SYS1: variants seen among roughly 807,000 people sequenced by gnomAD.
SYS1 encodes protein SYS1 homolog.
A neutral mutation model predicts 17.8 loss-of-function variants in SYS1; 8 were observed. That is an observed-to-expected ratio of 0.45 (90% confidence interval 0.26 to 0.81). The LOEUF is 0.81. SYS1 is among the 40% of genes least tolerant of loss of function. The pLI, the probability that SYS1 is intolerant of heterozygous loss-of-function variation, is 0.16. For missense variants in SYS1, 161 were observed against 203.9 expected (o/e 0.79, Z 1.28); for synonymous variants, 95 against 90.9 (o/e 1.05, Z -0.26).
rs1988456044 is a variant in SYS1, at chr20:45,367,502, A to G, written c.*387A>G. 5.8e-6 allele frequency: 6 copies of G among 1,028,584 alleles called. No individual in the cohort carries two copies. The highest frequency in any genetic ancestry group is 1.7e-5 in the African/African-American group (1 of 58,746). The allele number at this position is 1,028,584 out of a possible 1,614,324, so 63.7% of individuals were successfully genotyped here. A position where few individuals can be genotyped will look rare whatever the true frequency, so the allele number is the denominator to read the frequency against. On this transcript the variant is annotated 3_prime_UTR_variant, in exon 4 of 4. Coordinates refer to ENST00000243918, the MANE Select transcript of SYS1 (RefSeq NM_033542.4). ...GTCATCTGTCTTACCCCCCTGGGAC[A>G]GCTGTTACCTTTGCAGTGTTGCCGA...
At chr20:45,365,538 G>C (rs754327136) in intron 2 of SYS1, 81 bp from the exon 3 acceptor site, 2 of 1,355,280 alleles carry the variant, frequency 1.5e-6, no homozygotes, top group Non-Finnish European at 2.1e-6. Flanking sequence ...AAGAATGCTT[G>C]TTCCTTAGGA....
At chr20:45,375,702 G>C in exon 4 of SYS1, 1 of 893,080 alleles carries the variant, frequency 1.1e-6, no homozygotes, top group South Asian at 1.7e-5. Flanking sequence ...CCTTGTGCTG[G>C]TGTGAGGAGG....
chr20:45,375,265 C>A lies in SYS1; in HGVS notation c.*971C>A, dbSNP rs765602712. 26 of 1,614,122 alleles carry A rather than the reference C, an allele frequency of 1.6e-5. No individual in the cohort carries two copies. The highest frequency in any genetic ancestry group is 2.0e-5 in the Non-Finnish European group (24 of 1,180,008). The stretch of plus-strand genomic sequence containing the variant: ...GGGCTTAATGAAGATGACTCGGGGG[C>A]CCTCGGTGAGTGGTTGCCTCCCCTG... On this transcript the variant is annotated 3_prime_UTR_variant, in exon 4 of 4. Transcript: ENST00000426004.
chr20:45,363,010 G>A (rs1988270221), upstream of SYS1: 2 of 727,626 alleles, frequency 2.7e-6, no homozygotes, highest in Non-Finnish European at 3.4e-6. Flanking sequence ...CCTCTCTTCC[G>A]TTTGCCTTCA....
At chr20:45,375,869 G>A (rs538954342) in exon 4 of SYS1, 1 of 302,718 alleles carries the variant, frequency 3.3e-6, no homozygotes, top group African/African-American at 2.2e-5. Flanking sequence ...CAGTCCAGTA[G>A]TTTTTCTAAA....
At chr20:45,374,417 G>T (rs1215413999) in exon 4 of SYS1, 6 of 584,552 alleles carry the variant, frequency 1.0e-5, no homozygotes, top group South Asian at 6.7e-5. Context: ...TACTACAAGC[G>T]CAAGGCACCA....
chr20:45,371,027 T>C (rs1205592523), downstream of SYS1, among the ~76,000 whole-genome samples: 3 of 152,190 alleles, frequency 2.0e-5, no homozygotes, highest in African/African-American at 7.2e-5. Flanking sequence ...TTTAGAGAGC[T>C]GCAGTGGAGT....
chr20:45,373,088 G>A (rs560213994), downstream of SYS1: 1 of 152,536 alleles, frequency 6.6e-6, no homozygotes, highest in East Asian at 1.9e-4. Context: ...CTGCCTCTGG[G>A]GAATATGGAG....
rs548116779 is a variant in SYS1 at position 45,368,525 on chromosome 20, A to G, written c.*1410A>G. ...TATGGTAACACAAATGAGTTTTGCT[A>G]TCTCTCTGAGAAGCTCATCTGACCT... On this transcript the variant is annotated 3_prime_UTR_variant, in exon 4 of 4. Coordinates refer to ENST00000243918, the MANE Select transcript of SYS1 (RefSeq NM_033542.4). The G allele has an allele frequency of 6.1e-6, 6 of 985,416 alleles. No individual in the cohort carries two copies. The highest frequency in any genetic ancestry group is 7.2e-6 in the Non-Finnish European group (6 of 829,938). The allele number at this position is 985,416 out of a possible 1,614,324, so 61.0% of individuals were successfully genotyped here. A position where few individuals can be genotyped will look rare whatever the true frequency, so the allele number is the denominator to read the frequency against.
At chr20:45,365,222 GC>G (rs1988370870) in intron 2 of SYS1, 1 of 334,574 alleles carries the variant, frequency 3.0e-6, no homozygotes, top group Admixed American at 4.1e-5. Context: ...ACAGAAGGCT[GC>G]TATAGACAAA....
upstream of SYS1, chr20:45,363,090 A>AG (rs1425333665): frequency 4.0e-6 from 4 of 996,554 alleles, no homozygotes; most frequent in Non-Finnish European, 4.8e-6. Context: ...GTTCAGGCAG[A>AG]GGTTGCACCC....
chr20:45,375,853 G>A (rs1600757382), exon 4 of SYS1: 2 of 371,290 alleles, frequency 5.4e-6, no homozygotes, highest in East Asian at 1.1e-4. Flanking sequence ...CAGCTGGGAG[G>A]GTGAACAGTC....
At chr20:45,374,058 G>C, downstream of SYS1, 1 of 1,591,090 alleles carries the variant, frequency 6.3e-7, no homozygotes, top group Non-Finnish European at 8.6e-7. Flanking sequence ...GTCCCCAGGG[G>C]GCGCTGGTCG....
chr20:45,368,328 A>G lies in SYS1; in HGVS notation c.*1213A>G. Reference sequence around the variant, plus strand: ...CCCTGCTATGCCTCAGGTGAACCACATAATTCTTGGGTTTCCGTTCCTACT... The same window carrying G: ...CCCTGCTATGCCTCAGGTGAACCACGTAATTCTTGGGTTTCCGTTCCTACT... On this transcript the variant is annotated 3_prime_UTR_variant, in exon 4 of 4. Transcript: ENST00000243918. The G allele has an allele frequency of 1.0e-6, 1 of 985,420 alleles. No homozygotes were observed. The allele number at this position is 985,420 out of a possible 1,614,324, so 61.0% of individuals were successfully genotyped here. A position where few individuals can be genotyped will look rare whatever the true frequency, so the allele number is the denominator to read the frequency against.
At chr20:45,375,666 A>C (rs1988710028) in exon 4 of SYS1, 4 of 1,335,948 alleles carry the variant, frequency 3.0e-6, no homozygotes, top group Non-Finnish European at 4.1e-6. Flanking sequence ...AGGGGCCTGC[A>C]AAGAAACTTC....
At chr20:45,365,952 G>A (rs754014032) in intron 3 of SYS1, 6 of 506,530 alleles carry the variant, frequency 1.2e-5, no homozygotes, top group Non-Finnish European at 2.2e-5. Context: ...GGAGTGAGCT[G>A]AGAAAGGATT....
chr20:45,375,298 G>A, exon 4 of SYS1: 1 of 1,614,168 alleles, frequency 6.2e-7, no homozygotes. Flanking sequence ...CTGGACTCCA[G>A]GGTTCAAGCT....
Position 45,368,144 on chromosome 20 carries a change from C to A in SYS1, c.*1029C>A. On this transcript the variant is annotated 3_prime_UTR_variant, in exon 4 of 4. Coordinates refer to ENST00000243918, the MANE Select transcript of SYS1 (RefSeq NM_033542.4). ...TGCCTGCACTTACTTTGTAATGCCA[C>A]GGTTGAGATTGAGAGAGATCAGCGC... The A allele has an allele frequency of 2.0e-6, 2 of 985,328 alleles. No homozygotes were observed. Among genetic ancestry groups the A allele is most frequent in the Non-Finnish European group, 1.2e-6 (1 of 829,916 alleles). 61.0% of individuals were successfully genotyped at this position (985,328 alleles called of 1,614,324 possible). A position where few individuals can be genotyped will look rare whatever the true frequency, so the allele number is the denominator to read the frequency against.
Position 45,368,495 on chromosome 20 carries a change from G to A in SYS1, c.*1380G>A. ...GTTTTCAGCTGTCAGTAACACAAATGAGTTTATGGTAACACAAATGAGTTT... is the reference window on the plus strand; with the variant it reads ...GTTTTCAGCTGTCAGTAACACAAATAAGTTTATGGTAACACAAATGAGTTT... On this transcript the variant is annotated 3_prime_UTR_variant, in exon 4 of 4. Coordinates refer to ENST00000243918, the MANE Select transcript of SYS1 (RefSeq NM_033542.4). The A allele has an allele frequency of 2.0e-6, 2 of 985,436 alleles. No individual in the cohort carries two copies. The highest frequency in any genetic ancestry group is 2.4e-6 in the Non-Finnish European group (2 of 829,938). 61.0% of individuals were successfully genotyped at this position (985,436 alleles called of 1,614,324 possible). A position where few individuals can be genotyped will look rare whatever the true frequency, so the allele number is the denominator to read the frequency against.
Sources: allele counts gnomAD v4.1 joint callset (sites outside exome capture counted in the v4.1 genomes callset), GRCh38; gene constraint gnomAD v4.1.1; transcripts MANE v1.5; gene names NCBI Gene and HGNC (gene_info 2026-07-23, HGNC 2026-07-21).